DLGAP3: variants seen among roughly 807,000 people sequenced by gnomAD.
The protein encoded by DLGAP3 is disks large-associated protein 3.
In DLGAP3, 17 loss-of-function variants were observed where a neutral mutation model predicts 81.2. That is an observed-to-expected ratio of 0.21 (90% CI 0.14 to 0.31). The LOEUF is 0.31. DLGAP3 is among the 10% of genes least tolerant of loss of function. The pLI, the probability that DLGAP3 is intolerant of heterozygous loss-of-function variation, is 1.00. For synonymous variants in DLGAP3, 577 were observed against 587.4 expected (o/e 0.98, Z 0.26); for missense variants, 1,124 against 1,388.0 (o/e 0.81, Z 3.02).
chr1:34,906,016 T>TTATATATA (rs150603784), intron 2 of DLGAP3, among the ~76,000 whole-genome samples: 1,223 of 64,810 alleles, frequency 0.019, 206 homozygotes, highest in African/African-American at 0.037. Context: ...GCCTCTAAAT[T>TTATATATA]TATATATATA....
intron 5 of DLGAP3, among the ~76,000 whole-genome samples, chr1:34,898,700 G>C (rs1639411715): frequency 6.6e-6 from 1 of 152,224 alleles, no homozygotes; most frequent in African/African-American, 2.4e-5. Context: ...CTCAAAAAAA[G>C]TCAAGTAACT....
intron 1 of DLGAP3, among the ~76,000 whole-genome samples, chr1:34,908,639 A>G (rs760376540): frequency 6.6e-6 from 1 of 152,314 alleles, no homozygotes; most frequent in East Asian, 1.9e-4. Flanking sequence ...AGCGTGATTA[A>G]TAGTAGTGGA....
chr1:34,898,413 G>T (rs1249366077), intron 5 of DLGAP3, among the ~76,000 whole-genome samples: 1 of 152,236 alleles, frequency 6.6e-6, no homozygotes, highest in Non-Finnish European at 1.5e-5. Context: ...TGGCTGATGG[G>T]TGAGGTAAAA....
chr1:34,866,053 G>T lies in DLGAP3; in HGVS notation c.*30C>A. ...GTACAGTACGGGTGGAGAACCGCGG[G>T]CCCGGGCCGGGCTGGGCGGGCCGGA... On this transcript the variant is annotated 3_prime_UTR_variant, in exon 12 of 12. Transcript: ENST00000373347. 1 of 1,569,600 alleles carries T rather than the reference G, an allele frequency of 6.4e-7. No individual in the cohort carries two copies. Among genetic ancestry groups the T allele is most frequent in the Non-Finnish European group, 8.6e-7 (1 of 1,160,056 alleles).
At chr1:34,881,204 T>G (rs1639138391) in intron 8 of DLGAP3, among the ~76,000 whole-genome samples, 1 of 152,230 alleles carries the variant, frequency 6.6e-6, no homozygotes, top group Admixed American at 6.5e-5. Flanking sequence ...TCTAATACTG[T>G]ATATAAAAAT....
Position 34,929,568 on chromosome 1 carries a change from G to A in DLGAP3, c.-252C>T, listed in dbSNP as rs1014374439. 2 of 150,206 alleles carry A rather than the reference G, an allele frequency of 1.3e-5. No homozygotes were observed. The highest frequency in any genetic ancestry group is 4.9e-5 in the African/African-American group (2 of 41,208). The allele number at this position is 150,206 out of a possible 1,614,324, so 9.3% of individuals were successfully genotyped here. A position where few individuals can be genotyped will look rare whatever the true frequency, so the allele number is the denominator to read the frequency against. On this transcript the variant is annotated 5_prime_UTR_variant, in exon 1 of 12. Coordinates refer to ENST00000373347, the MANE Select transcript of DLGAP3 (RefSeq NM_001080418.3). The surrounding 1 kb of genome is among the most constrained non-coding windows in gnomAD (Gnocchi z 6.5). The stretch of plus-strand genomic sequence containing the variant: ...CCGGCACTGCGGAGCCCCCAGCTGA[G>A]GGGCCGCGCCGGCTGCGGAGCCCCA...
chr1:34,886,404 C>A, intron 5 of DLGAP3, 119 bp from the exon 6 acceptor site: 1 of 982,754 alleles, frequency 1.0e-6, no homozygotes, highest in Non-Finnish European at 1.5e-6. Context: ...GGCGACTCTT[C>A]CGCATTTGAA....
In DLGAP3 at chr1:34,868,657, G is replaced by T; in HGVS notation, c.2433C>A (p.His811Gln). Reference protein sequence around the residue: ...MLRAEVEKLEHWCQQMEREAE... With the variant: ...MLRAEVEKLEQWCQQMEREAE... Reference sequence around the variant, plus strand: ...CCTCACGCTCCATCTGCTGGCACCAGTGCTCCAGCTTCTCCACCTCTGCCC... The same window carrying T: ...CCTCACGCTCCATCTGCTGGCACCATTGCTCCAGCTTCTCCACCTCTGCCC... Residue 811 changes from histidine to glutamine, a missense_variant, in exon 9 of 12, where the codon CAC becomes CAA. Physicochemically the swap from His to Gln is conservative, Grantham distance 24. This residue lies in a region of DLGAP3 where 379 missense variants were observed against 455.7 expected (regional missense o/e 0.83). Coordinates refer to ENST00000373347, the MANE Select transcript of DLGAP3 (RefSeq NM_001080418.3). The surrounding 1 kb of genome is among the most constrained non-coding windows in gnomAD (Gnocchi z 7.5). 1 of 1,612,902 alleles carries T rather than the reference G, an allele frequency of 6.2e-7. No individual in the cohort carries two copies.
chr1:34,914,094 A>G lies in DLGAP3; in HGVS notation c.-134-6657T>C, dbSNP rs117884504. Among the ~76,000 whole-genome samples the G allele has an allele frequency of 1.3e-3, 201 of 152,240 alleles. 1 individual carries two copies. The East Asian group carries it at 0.031, about 23-fold the overall frequency. ...GCAGGAGCAGGGTTCGGGGTCTACC[A>G]CCCAGCCCCACATAGGTCTCTTCAC... On this transcript the variant is annotated intron_variant, in intron 1 of 11. Coordinates refer to ENST00000373347, the MANE Select transcript of DLGAP3 (RefSeq NM_001080418.3).
intron 1 of DLGAP3, among the ~76,000 whole-genome samples, chr1:34,908,254 G>C (rs1639589540): frequency 6.6e-6 from 1 of 152,224 alleles, no homozygotes; most frequent in Non-Finnish European, 1.5e-5. Context: ...GTGCTGGAAA[G>C]AGGTACCAAA....
At chr1:34,918,379 A>G (rs920757406) in intron 1 of DLGAP3, among the ~76,000 whole-genome samples, 2 of 152,176 alleles carry the variant, frequency 1.3e-5, no homozygotes, top group African/African-American at 4.8e-5. Context: ...GGGTCTGCTC[A>G]ATGCGGAGCT....
intron 5 of DLGAP3, among the ~76,000 whole-genome samples, chr1:34,893,178 C>CAAA (rs58802413): frequency 2.4e-4 from 20 of 84,770 alleles, no homozygotes; most frequent in African/African-American, 3.0e-4. Flanking sequence ...GACTCCGTCT[C>CAAA]AAAAAAAAAA....
At chr1:34,869,166 G>C (rs1638938755) in intron 8 of DLGAP3, 77 bp from the exon 9 acceptor site, 1 of 1,086,476 alleles carries the variant, frequency 9.2e-7, no homozygotes. Context: ...GCAAAAAAAA[G>C]GAAGGGAATG....
chr1:34,927,555 G>A (rs1639893554), intron 1 of DLGAP3, among the ~76,000 whole-genome samples: 1 of 152,106 alleles, frequency 6.6e-6, no homozygotes, highest in Non-Finnish European at 1.5e-5. Flanking sequence ...TGGGAGATGC[G>A]GGGGCTGTAT....
rs756585276 is a variant in DLGAP3 at position 34,929,203 on chromosome 1, C to T, written c.-135+248G>A. Among the ~76,000 whole-genome samples, 5 of 151,598 alleles carry T rather than the reference C, an allele frequency of 3.3e-5. No homozygotes were observed. The highest frequency in any genetic ancestry group is 7.4e-5 in the Non-Finnish European group (5 of 67,682). ...GGCTGGCCTGTCCCCGCGGCCCTGA[C>T]CGGGAGCGTGGGTCCGCGGTCCGCG... On this transcript the variant is annotated intron_variant, in intron 1 of 11. Transcript: ENST00000373347. The surrounding 1 kb of genome is among the most constrained non-coding windows in gnomAD (Gnocchi z 6.5).
At chr1:34,903,844 A>G (rs1420030366) in intron 3 of DLGAP3, among the ~76,000 whole-genome samples, 1 of 152,226 alleles carries the variant, frequency 6.6e-6, no homozygotes, top group African/African-American at 2.4e-5. Flanking sequence ...GGCCATCCGG[A>G]TTATAGCAGA....
chr1:34,900,972 G>C lies in DLGAP3; in HGVS notation c.1108-699C>G, dbSNP rs530057105. ...GGGGGATGAGGGGGCGGGAGGAGTC[G>C]AGGATGACTGCCAGGCTGCTGGCTG... is the stretch of plus-strand genomic sequence containing the variant. On this transcript the variant is annotated intron_variant, in intron 3 of 11. Coordinates refer to ENST00000373347, the MANE Select transcript of DLGAP3 (RefSeq NM_001080418.3). The surrounding 1 kb of genome is among the most constrained non-coding windows in gnomAD (Gnocchi z 5.6). Among the ~76,000 whole-genome samples the C allele has an allele frequency of 6.6e-6, 1 of 152,096 alleles. No homozygotes were observed. The highest frequency in any genetic ancestry group is 1.5e-5 in the Non-Finnish European group (1 of 68,000).
At chr1:34,891,933 T>A (rs572142660) in intron 5 of DLGAP3, among the ~76,000 whole-genome samples, 24 of 152,340 alleles carry the variant, frequency 1.6e-4, no homozygotes, top group African/African-American at 5.5e-4. Flanking sequence ...GAGGAAAACA[T>A]AATCTAGAAT....
rs182376433 is a variant in DLGAP3, at chr1:34,884,964, C to T, written c.2000+14G>A. On this transcript the variant is annotated intron_variant, in intron 8 of 11. Transcript: ENST00000373347. ...TCTCCCAGCGAAGCCTGGGCACTCC[C>T]ACCGTGACTTTACCTCTTGTCCTCT... 1.4e-4 allele frequency: 218 copies of T among 1,604,514 alleles called. No homozygotes were observed. Among genetic ancestry groups the T allele is most frequent in the Admixed American group, 1.2e-3 (72 of 59,838 alleles).
Sources: allele counts gnomAD v4.1 joint callset (sites outside exome capture counted in the v4.1 genomes callset), GRCh38; gene constraint gnomAD v4.1.1; regional missense constraint gnomAD v4.1.1; non-coding constraint Gnocchi (gnomAD v3.1); transcripts MANE v1.5; gene names NCBI Gene and HGNC (gene_info 2026-07-23, HGNC 2026-07-21).